Variants in CASZ1 observed in about 807,000 individuals in gnomAD.
CASZ1 encodes the protein zinc finger protein castor homolog 1.
In CASZ1, 28 loss-of-function variants were observed where a neutral mutation model predicts 135.2. The observed-to-expected ratio is 0.21, with a 90% CI of 0.15 to 0.28. The LOEUF (loss-of-function observed/expected upper bound fraction) is 0.28. CASZ1 is among the 10% of genes least tolerant of loss of function. The pLI is 1.00. For synonymous variants in CASZ1, 1,068 were observed against 1,073.4 expected (o/e 0.99, Z 0.10); for missense variants, 2,161 against 2,453.3 (o/e 0.88, Z 2.52).
intron 2 of CASZ1, among the ~76,000 whole-genome samples, chr1:10,708,672 C>T (rs1007659895): frequency 6.6e-6 from 1 of 152,130 alleles, no homozygotes; most frequent in Non-Finnish European, 1.5e-5. Flanking sequence ...AGTGGTCTCT[C>T]CCTGAGCCCG....
chr1:10,698,921 A>G (rs1372066733), intron 3 of CASZ1, among the ~76,000 whole-genome samples: 1 of 152,234 alleles, frequency 6.6e-6, no homozygotes, highest in Non-Finnish European at 1.5e-5. Flanking sequence ...GTGTGGCTCC[A>G]GCACAGCGGA....
chr1:10,702,748 G>A lies in CASZ1; in HGVS notation c.-24+2744C>T, dbSNP rs563187144. ...GCCAGCGGGGGAAGTGGCCACGGTG[G>A]CCTGGGCAAGAGAGATGTCAATGGG... On this transcript the variant is annotated intron_variant, in intron 3 of 20. Transcript: ENST00000377022. 1.5e-4 allele frequency among the ~76,000 whole-genome samples: 23 copies of A among 152,306 alleles called. No homozygotes were observed. The South Asian group carries it at 4.4e-3, about 29-fold the overall frequency.
intron 1 of CASZ1, among the ~76,000 whole-genome samples, chr1:10,790,842 G>C (rs1640943896): frequency 6.6e-6 from 1 of 152,104 alleles, no homozygotes; most frequent in Admixed American, 6.5e-5. Flanking sequence ...GTCTATAAGA[G>C]GGGGCGAGCG....
intron 2 of CASZ1, among the ~76,000 whole-genome samples, chr1:10,714,257 G>A (rs962908273): frequency 6.6e-6 from 1 of 152,080 alleles, no homozygotes; most frequent in African/African-American, 2.4e-5. Flanking sequence ...GCAGTGAGCC[G>A]AGATCGTGCC....
chr1:10,642,679 G>A (rs1173648235), intron 20 of CASZ1, among the ~76,000 whole-genome samples, 180 bp downstream of exon 20: 3 of 152,200 alleles, frequency 2.0e-5, no homozygotes, highest in African/African-American at 7.2e-5. Flanking sequence ...CCAGGGAGGC[G>A]GGAGGATGGC....
rs1158363317 is a variant in CASZ1 at position 10,700,489 on chromosome 1, G to C, written c.-24+5003C>G. Among the ~76,000 whole-genome samples, 1 of 152,194 alleles carries C rather than the reference G, an allele frequency of 6.6e-6. No homozygotes were observed. The highest frequency in any genetic ancestry group is 6.5e-5 in the Admixed American group (1 of 15,282). On this transcript the variant is annotated intron_variant, in intron 3 of 20. Transcript: ENST00000377022. The surrounding 1 kb of genome is among the most constrained non-coding windows in gnomAD (Gnocchi z 4.2). ...ACACGTGTGCTGCTGCCTGAGTCTA[G>C]GTGTTTGGATGGTGTATGTACACGC...
intron 1 of CASZ1, among the ~76,000 whole-genome samples, chr1:10,778,677 TC>T (rs1384255307): frequency 6.6e-6 from 1 of 152,126 alleles, no homozygotes; most frequent in Non-Finnish European, 1.5e-5. Flanking sequence ...GGAGGAGAGC[TC>T]CCATCCAAAC....
At chr1:10,779,523 G>A (rs544649128) in intron 1 of CASZ1, among the ~76,000 whole-genome samples, 18 of 152,186 alleles carry the variant, frequency 1.2e-4, no homozygotes, top group Non-Finnish European at 1.8e-4. Context: ...CTGCCGGGCC[G>A]ACACGTTGGC....
Position 10,642,982 on chromosome 1 carries a change from C to A in CASZ1, c.4039G>T (p.Asp1347Tyr), listed in dbSNP as rs765197520. ...PPSQGPPGLM[D>Y]AETDECMDYT... ...TCCATGCACTCATCTGTCTCAGCAT[C>A]CATCAGGCCTGGGGGGCCCTGAAAG... is the stretch of plus-strand genomic sequence containing the variant. The change falls in exon 20 of 21, where the codon GAT (aspartate) becomes TAT (tyrosine). Residue 1347 changes from aspartate (D) to tyrosine (Y), a missense_variant. This residue lies in a region of CASZ1 where 143 missense variants were observed against 128.3 expected (regional missense o/e 1.11). Coordinates refer to ENST00000377022, the MANE Select transcript of CASZ1 (RefSeq NM_001079843.3). 1 of 1,612,918 alleles carries A rather than the reference C, an allele frequency of 6.2e-7. No homozygotes were observed. The highest frequency in any genetic ancestry group is 8.5e-7 in the Non-Finnish European group (1 of 1,179,872).
In CASZ1 at chr1:10,646,684, G is replaced by A. The variant is rs974775968; in HGVS notation, c.3498-358C>T. On this transcript the variant is annotated intron_variant, in intron 16 of 20. Coordinates refer to ENST00000377022, the MANE Select transcript of CASZ1 (RefSeq NM_001079843.3). This position sits in a 1 kb window ranked among gnomAD's most constrained non-coding sequence, Gnocchi z 6.4. ...TAAGGATGGTGCTGCCAGCCCTGGC[G>A]GGGTGCCGTGAGGCCCTGGCTGGCG... 1.3e-4 allele frequency among the ~76,000 whole-genome samples: 20 copies of A among 152,234 alleles called. No homozygotes were observed. The highest frequency in any genetic ancestry group is 6.2e-4 in the South Asian group (3 of 4,836).
intron 1 of CASZ1, among the ~76,000 whole-genome samples, chr1:10,761,118 G>T (rs1640364761): frequency 6.6e-6 from 1 of 152,252 alleles, no homozygotes; most frequent in African/African-American, 2.4e-5. Context: ...AATAAAAGAA[G>T]CAAACAGGTA....
chr1:10,649,008 A>G, intron 15 of CASZ1, 62 bp downstream of exon 15: 2 of 1,587,736 alleles, frequency 1.3e-6, no homozygotes, highest in Admixed American at 3.4e-5. Context: ...AGCCCCACCC[A>G]CCCCAGAGCC....
chr1:10,788,913 C>G lies in CASZ1; in HGVS notation c.-234+7651G>C, dbSNP rs935093091. 6.6e-6 allele frequency among the ~76,000 whole-genome samples: 1 copy of G among 152,214 alleles called. No homozygotes were observed. The highest frequency in any genetic ancestry group is 1.5e-5 in the Non-Finnish European group (1 of 68,022). Reference sequence around the variant, plus strand: ...CAGCCGCTGCCGCTCTGCAGAACCTCGCAGATCCTCTAAGCCACCTAGTGT... The same window carrying G: ...CAGCCGCTGCCGCTCTGCAGAACCTGGCAGATCCTCTAAGCCACCTAGTGT... On this transcript the variant is annotated intron_variant, in intron 1 of 20. Coordinates refer to ENST00000377022, the MANE Select transcript of CASZ1 (RefSeq NM_001079843.3). The surrounding 1 kb of genome is among the most constrained non-coding windows in gnomAD (Gnocchi z 4.1).
chr1:10,785,135 T>TCTTTCCTTCCTCCCTTCCTTCCTCCCTC (rs1553143550), intron 1 of CASZ1, among the ~76,000 whole-genome samples: 8 of 133,872 alleles, frequency 6.0e-5, no homozygotes, highest in African/African-American at 1.7e-4. Flanking sequence ...CTTTCTTCCT[T>TCTTTCCTTCCTCCCTTCCTTCCTCCCTC]CCTTCCTCCC....
chr1:10,657,990 CTCTCTCTT>C lies in CASZ1; in HGVS notation c.1409+510_1409+517del, dbSNP rs1439353649. The C allele has an allele frequency of 2.8e-5, 4 of 142,346 alleles. No individual in the cohort carries two copies. The highest frequency in any genetic ancestry group is 7.2e-5 in the Admixed American group (1 of 13,940). 8.8% of individuals were successfully genotyped at this position (142,346 alleles called of 1,614,324 possible). ...GCCCACACCTTCTCTCTCGCTTTCT[CTCTCTCTT>C]TTTTTTTTTTTTTTTAAAGAGATAG... is the stretch of plus-strand genomic sequence containing the variant. On this transcript the variant is annotated intron_variant, in intron 7 of 20. Transcript: ENST00000377022. The surrounding 1 kb of genome is among the most constrained non-coding windows in gnomAD (Gnocchi z 5.7).
chr1:10,691,147 C>G (rs1271671135), intron 4 of CASZ1, among the ~76,000 whole-genome samples: 1 of 143,768 alleles, frequency 7.0e-6, no homozygotes, highest in Non-Finnish European at 1.5e-5. Flanking sequence ...TTCCCAAACT[C>G]TCCTAATCTT....
At chr1:10,704,195 C>T (rs1639121696) in intron 3 of CASZ1, 1 of 152,248 alleles carries the variant, frequency 6.6e-6, no homozygotes, top group Non-Finnish European at 1.5e-5. Flanking sequence ...TCCTCATGGA[C>T]CATGTGAAGG....
intron 2 of CASZ1, among the ~76,000 whole-genome samples, chr1:10,710,246 T>A (rs1021295044): frequency 2.0e-4 from 31 of 152,164 alleles, no homozygotes; most frequent in African/African-American, 7.5e-4. Flanking sequence ...CCTTCCCCAG[T>A]CAGGGCCTCA....
chr1:10,691,181 A>T (rs896993121), intron 4 of CASZ1, among the ~76,000 whole-genome samples: 2 of 149,946 alleles, frequency 1.3e-5, no homozygotes, highest in African/African-American at 4.9e-5. Context: ...TTTGATTTGC[A>T]TAACCCAACC....
Sources: gnomAD v4.1 joint callset for allele counts (sites outside exome capture counted in the v4.1 genomes callset) on GRCh38, gnomAD v4.1.1 for gene constraint, gnomAD v4.1.1 regional missense constraint, Gnocchi (gnomAD v3.1) non-coding constraint, MANE v1.5 for transcripts, NCBI Gene and HGNC (gene_info 2026-07-23, HGNC 2026-07-21) for gene names.